The following THSD7B variants were observed in gnomAD, a reference collection of about 807,000 sequenced individuals.
THSD7B encodes thrombospondin type-1 domain-containing protein 7B.
THSD7B carries 138 observed loss-of-function variants against 213.6 expected under a neutral mutation model. The ratio of observed to expected loss-of-function variants is 0.65; its 90% CI spans 0.56 to 0.74. The LOEUF is 0.74. Ranked by LOEUF, THSD7B falls within the 30% of genes least tolerant of loss-of-function variation. THSD7B has a pLI of 0.00. For missense variants in THSD7B, 1,931 were observed against 1,991.5 expected (o/e 0.97, Z 0.58); for synonymous variants, 742 against 687.0 (o/e 1.08, Z -1.25).
At chr2:136,930,259 A>C (rs1161301470) in intron 2 of THSD7B, among the ~76,000 whole-genome samples, 2 of 152,232 alleles carry the variant, frequency 1.3e-5, no homozygotes, top group African/African-American at 4.8e-5. Flanking sequence ...TTGGAGCATT[A>C]GGCTATAATG....
At chr2:136,897,833 G>T (rs1171815109) in intron 2 of THSD7B, among the ~76,000 whole-genome samples, 3 of 151,938 alleles carry the variant, frequency 2.0e-5, no homozygotes, top group Non-Finnish European at 4.4e-5. Context: ...GCTAGACACA[G>T]AACGCTGTTT....
chr2:137,294,349 G>A (rs1283081975), intron 12 of THSD7B, among the ~76,000 whole-genome samples: 5 of 151,926 alleles, frequency 3.3e-5, no homozygotes, highest in South Asian at 2.1e-4. Context: ...TTGGGAGGCC[G>A]AGGCAGGTGG....
intron 1 of THSD7B, among the ~76,000 whole-genome samples, chr2:136,831,175 T>C (rs1392248671): frequency 1.4e-5 from 2 of 147,828 alleles, no homozygotes; most frequent in Non-Finnish European, 3.0e-5. Context: ...AATGGGATTT[T>C]CATCCTCTTT....
intron 10 of THSD7B, among the ~76,000 whole-genome samples, chr2:137,256,140 A>C (rs764158008): frequency 6.6e-6 from 1 of 152,178 alleles, no homozygotes; most frequent in Non-Finnish European, 1.5e-5. Flanking sequence ...AACATGTTGA[A>C]TGGTGACTGC....
At chr2:136,780,692 C>G (rs971894598) in intron 1 of THSD7B, among the ~76,000 whole-genome samples, 1 of 152,222 alleles carries the variant, frequency 6.6e-6, no homozygotes, top group Admixed American at 6.5e-5. Flanking sequence ...ATATAGGGCT[C>G]TCTTTCAAAA....
intron 1 of THSD7B, among the ~76,000 whole-genome samples, chr2:136,827,196 C>T (rs949357107): frequency 3.3e-5 from 5 of 152,128 alleles, no homozygotes; most frequent in African/African-American, 4.8e-5. Flanking sequence ...GGATTTCTGA[C>T]CCAATTTTTC....
chr2:136,893,052 T>C (rs1683892394), intron 2 of THSD7B, among the ~76,000 whole-genome samples: 2 of 152,320 alleles, frequency 1.3e-5, no homozygotes, highest in African/African-American at 4.8e-5. Context: ...GTGAAAATTA[T>C]ACCTATGTCA....
chr2:137,187,542 C>T (rs1680574064), intron 7 of THSD7B, among the ~76,000 whole-genome samples: 1 of 152,124 alleles, frequency 6.6e-6, no homozygotes, highest in African/African-American at 2.4e-5. Flanking sequence ...CAATGAGTTG[C>T]ACAGTTGAGA....
At chr2:137,491,749 T>C (rs138647880) in intron 15 of THSD7B, among the ~76,000 whole-genome samples, 294 of 152,308 alleles carry the variant, frequency 1.9e-3, no homozygotes, top group African/African-American at 6.9e-3. Context: ...GATTTATGTC[T>C]TCCCCACTAT....
chr2:137,011,287 A>G (rs1277532728), intron 2 of THSD7B, among the ~76,000 whole-genome samples: 41 of 152,188 alleles, frequency 2.7e-4, no homozygotes, highest in Admixed American at 2.7e-3. Flanking sequence ...TGTTTCCTAA[A>G]CATCCCCCTC....
intron 2 of THSD7B, among the ~76,000 whole-genome samples, chr2:136,901,112 G>A (rs985694338): frequency 2.4e-4 from 37 of 152,004 alleles, no homozygotes; most frequent in African/African-American, 8.9e-4. Context: ...GAAAAACAAA[G>A]TTTTGATCTG....
At chr2:137,265,293 T>A (rs1220473961) in intron 10 of THSD7B, among the ~76,000 whole-genome samples, 1 of 152,014 alleles carries the variant, frequency 6.6e-6, no homozygotes, top group Non-Finnish European at 1.5e-5. Context: ...AGAATGGCAA[T>A]CATTAAAAAG....
At chr2:137,060,439 A>C (rs1687250059) in intron 3 of THSD7B, among the ~76,000 whole-genome samples, 1 of 151,798 alleles carries the variant, frequency 6.6e-6, no homozygotes. Context: ...ACTAAACCCA[A>C]AGTCAACTCA....
At chr2:137,402,877 T>G (rs1686403760) in intron 12 of THSD7B, among the ~76,000 whole-genome samples, 1 of 149,622 alleles carries the variant, frequency 6.7e-6, no homozygotes, top group African/African-American at 2.5e-5. Flanking sequence ...GTATTTAAAA[T>G]GTGTCTTCAT....
At chr2:136,876,759 G>A (rs1400784302) in intron 1 of THSD7B, among the ~76,000 whole-genome samples, 1 of 152,200 alleles carries the variant, frequency 6.6e-6, no homozygotes, top group Non-Finnish European at 1.5e-5. Flanking sequence ...TTACCTGGGA[G>A]CATCAGGGCA....
intron 14 of THSD7B, among the ~76,000 whole-genome samples, chr2:137,419,371 A>T (rs1573614807): frequency 1.2e-5 from 1 of 81,580 alleles, no homozygotes; most frequent in Admixed American, 1.4e-4. Context: ...GTGGGTCCTG[A>T]GTTCTTGTCC....
intron 10 of THSD7B, among the ~76,000 whole-genome samples, chr2:137,246,345 A>G (rs1239390605): frequency 6.6e-6 from 1 of 152,126 alleles, no homozygotes; most frequent in Admixed American, 6.6e-5. Context: ...CCTGGATCCT[A>G]CTCTAATACA....
At chr2:137,150,242 CA>C (rs34325279) in intron 5 of THSD7B, among the ~76,000 whole-genome samples, 89,331 of 129,174 alleles carry the variant, frequency 0.69, 29,113 homozygotes, top group Middle Eastern at 0.75. Flanking sequence ...AATTCTGTCT[CA>C]AAAAAAAAAA....
intron 3 of THSD7B, among the ~76,000 whole-genome samples, chr2:137,079,826 A>C (rs952725209): frequency 9.2e-5 from 14 of 151,860 alleles, no homozygotes; most frequent in Middle Eastern, 6.8e-3. Context: ...ACATTTGGCT[A>C]TTTTGTTTTT....
Sources: gnomAD v4.1 joint callset for allele counts (sites outside exome capture counted in the v4.1 genomes callset) on GRCh38, gnomAD v4.1.1 for gene constraint, MANE v1.5 for transcripts, NCBI Gene and HGNC (gene_info 2026-07-23, HGNC 2026-07-21) for gene names.